The following FSTL4 variants were observed in gnomAD, a reference collection of about 807,000 sequenced individuals.
FSTL4 encodes the protein follistatin like 4.
Under a neutral mutation model 78.2 loss-of-function variants are expected in FSTL4, and 28 were observed. The observed-to-expected ratio is 0.36, with a 90% CI of 0.27 to 0.49. The LOEUF (loss-of-function observed/expected upper bound fraction) is 0.49, where lower values mean the gene tolerates loss of function less well. Ranked by LOEUF, FSTL4 falls within the 20% of genes least tolerant of loss-of-function variation. The probability of loss-of-function intolerance (pLI) is 0.98; values close to 1 mark genes in which losing one functional copy is unlikely to be tolerated. For missense variants in FSTL4, 922 were observed against 1,084.9 expected, an observed-to-expected ratio of 0.85 and a Z score of 2.11; for synonymous variants, 422 against 440.5, an observed-to-expected ratio of 0.96 and a Z score of 0.53.
chr5:133,628,472 G>T, the FSTL4 span, among the ~76,000 whole-genome samples: 1 of 151,410 alleles, frequency 6.6e-6, no homozygotes, highest in Non-Finnish European at 1.5e-5. Flanking sequence ...TGATTCTCCT[G>T]CCTCAGCCTC....
the FSTL4 span, among the ~76,000 whole-genome samples, chr5:133,779,064 A>G: frequency 6.6e-6 from 1 of 152,186 alleles, no homozygotes; most frequent in African/African-American, 2.4e-5. Flanking sequence ...GGCCCATAGT[A>G]CCCATCTTGA....
At chr5:133,341,486 CCT>C (rs1455458133) in intron 4 of FSTL4, among the ~76,000 whole-genome samples, 2 of 152,110 alleles carry the variant, frequency 1.3e-5, no homozygotes, top group East Asian at 1.9e-4. Flanking sequence ...CCACCAAGCC[CCT>C]GTGTGAGTGC....
chr5:133,360,473 ATTTTT>A (rs57176651), intron 4 of FSTL4, among the ~76,000 whole-genome samples: 23,227 of 131,302 alleles, frequency 0.18, 2,061 homozygotes, highest in East Asian at 0.38. Context: ...TCAGGCAATA[ATTTTT>A]TTTTTTTTTT....
the FSTL4 span, among the ~76,000 whole-genome samples, chr5:133,695,363 C>A: frequency 2.0e-5 from 3 of 152,198 alleles, no homozygotes; most frequent in Non-Finnish European, 4.4e-5. Context: ...CACCCTCACC[C>A]ACACTATAAG....
intron 3 of FSTL4, among the ~76,000 whole-genome samples, chr5:133,473,478 A>G (rs886848859): frequency 6.6e-6 from 1 of 152,182 alleles, no homozygotes. Context: ...CACACGCTGC[A>G]GCACCACACA....
At chr5:133,249,959 G>A (rs1752169222) in intron 6 of FSTL4, among the ~76,000 whole-genome samples, 1 of 152,222 alleles carries the variant, frequency 6.6e-6, no homozygotes, top group Admixed American at 6.5e-5. Context: ...ATTGGAGTCT[G>A]GGCCTTGCTA....
chr5:133,647,255 C>T, the FSTL4 span, among the ~76,000 whole-genome samples: 2 of 152,074 alleles, frequency 1.3e-5, no homozygotes, highest in African/African-American at 4.8e-5. Flanking sequence ...ATCTGAACAA[C>T]CCACCCCTTA....
At chr5:133,619,111 G>C in the FSTL4 span, among the ~76,000 whole-genome samples, 1 of 152,150 alleles carries the variant, frequency 6.6e-6, no homozygotes, top group Non-Finnish European at 1.5e-5. Flanking sequence ...GGAGCCCAGT[G>C]CTGGCTGAGG....
In FSTL4 at chr5:133,361,913, C is replaced by T. The variant is rs377133585; in HGVS notation, c.409+38825G>A. Among the ~76,000 whole-genome samples the T allele has an allele frequency of 2.0e-5, 3 of 152,202 alleles. No individual in the cohort carries two copies. Among genetic ancestry groups the T allele is most frequent in the South Asian group, 2.1e-4 (1 of 4,836 alleles). ...TTTTGGATATCCCATTGGATATTCA[C>T]GTAGTTGAAAACATATTTATAATTA... On this transcript the variant is annotated intron_variant, in intron 4 of 15. Transcript: ENST00000265342. This position sits in a 1 kb window ranked among gnomAD's most constrained non-coding sequence, Gnocchi z 4.3.
chr5:133,237,949 T>C (rs1264451932), intron 7 of FSTL4, among the ~76,000 whole-genome samples: 1 of 152,208 alleles, frequency 6.6e-6, no homozygotes, highest in African/African-American at 2.4e-5. Flanking sequence ...ATTCTTTGTA[T>C]TGATGCATAT....
At chr5:133,448,812 T>C (rs1757323937) in intron 3 of FSTL4, among the ~76,000 whole-genome samples, 1 of 151,868 alleles carries the variant, frequency 6.6e-6, no homozygotes, top group South Asian at 2.1e-4. Context: ...ACAATGAAGT[T>C]TGACACCCAA....
chr5:133,345,596 T>C (rs936724882), intron 4 of FSTL4, among the ~76,000 whole-genome samples: 5 of 152,196 alleles, frequency 3.3e-5, no homozygotes, highest in African/African-American at 9.7e-5. Context: ...AATTAATTTT[T>C]GTACAAGGTG....
At chr5:133,419,063 A>C (rs1363103972) in intron 3 of FSTL4, among the ~76,000 whole-genome samples, 1 of 152,254 alleles carries the variant, frequency 6.6e-6, no homozygotes, top group Non-Finnish European at 1.5e-5. Context: ...ATGTTATAGA[A>C]TACATCGATA....
chr5:133,762,385 A>T, the FSTL4 span, among the ~76,000 whole-genome samples: 1 of 152,174 alleles, frequency 6.6e-6, no homozygotes. Context: ...CCCTCAAGTC[A>T]TAGCCCCAAA....
chr5:133,657,231 G>A, the FSTL4 span, among the ~76,000 whole-genome samples: 6 of 152,290 alleles, frequency 3.9e-5, no homozygotes, highest in South Asian at 1.0e-3. Context: ...TAGACACACA[G>A]GGCAGTCTGT....
chr5:133,490,175 G>A (rs1023229975), intron 3 of FSTL4, among the ~76,000 whole-genome samples: 10 of 151,042 alleles, frequency 6.6e-5, no homozygotes, highest in Non-Finnish European at 1.3e-4. Context: ...GAAAAATGCC[G>A]GAATGTCCTA....
intron 7 of FSTL4, among the ~76,000 whole-genome samples, chr5:133,239,540 T>C (rs1323087372): frequency 1.3e-5 from 2 of 152,064 alleles, no homozygotes; most frequent in Non-Finnish European, 2.9e-5. Flanking sequence ...ACCCTGTGTC[T>C]AGCTCATGGT....
intron 4 of FSTL4, among the ~76,000 whole-genome samples, chr5:133,354,831 G>A (rs897195664): frequency 6.6e-6 from 1 of 152,264 alleles, no homozygotes; most frequent in African/African-American, 2.4e-5. Flanking sequence ...CTTTCCACCA[G>A]AGAGTGAGAC....
chr5:133,589,624 A>G (rs926496998), intron 2 of FSTL4, among the ~76,000 whole-genome samples: 2 of 152,272 alleles, frequency 1.3e-5, no homozygotes, highest in South Asian at 2.1e-4. Context: ...CTCTCCCCAC[A>G]GAAGGTCAAG....
Sources: allele counts gnomAD v4.1 joint callset (sites outside exome capture counted in the v4.1 genomes callset), GRCh38; gene constraint gnomAD v4.1.1; non-coding constraint Gnocchi (gnomAD v3.1); transcripts MANE v1.5; gene names NCBI Gene and HGNC (gene_info 2026-07-23, HGNC 2026-07-21).